Variants in ADAMTS14 observed in about 807,000 individuals in gnomAD.
ADAMTS14 encodes the protein ADAM metallopeptidase with thrombospondin type 1 motif 14.
Under a neutral mutation model 128.6 loss-of-function variants are expected in ADAMTS14, and 100 were observed. The ratio of observed to expected loss-of-function variants is 0.78; its 90% CI spans 0.66 to 0.92. The LOEUF (loss-of-function observed/expected upper bound fraction) is 0.92. Ranked by LOEUF, ADAMTS14 falls within the 40% of genes least tolerant of loss-of-function variation. The pLI is 0.00. For synonymous variants in ADAMTS14, 665 were observed against 653.8 expected (o/e 1.02, Z -0.26); for missense variants, 1,562 against 1,658.6 (o/e 0.94, Z 1.01).
chr10:70,756,739 T>A (rs910247944), intron 19 of ADAMTS14, among the ~76,000 whole-genome samples: 1 of 152,204 alleles, frequency 6.6e-6, no homozygotes, highest in Non-Finnish European at 1.5e-5. Context: ...CAGCAGCTGC[T>A]AGGTAAAACT....
At chr10:70,754,441 G>A (rs1842431967) in intron 19 of ADAMTS14, among the ~76,000 whole-genome samples, 1 of 152,200 alleles carries the variant, frequency 6.6e-6, no homozygotes, top group South Asian at 2.1e-4. Context: ...GCCAAGCACT[G>A]ACAGACTGCA....
chr10:70,751,915 CA>C (rs1261686783), intron 17 of ADAMTS14, among the ~76,000 whole-genome samples, 179 bp from the exon 18 acceptor site: 1 of 152,210 alleles, frequency 6.6e-6, no homozygotes, highest in East Asian at 1.9e-4. Flanking sequence ...ACCTTCTTAC[CA>C]GCGAGATGGA....
chr10:70,707,151 T>G (rs1339841603), intron 3 of ADAMTS14, among the ~76,000 whole-genome samples: 1 of 152,188 alleles, frequency 6.6e-6, no homozygotes, highest in Non-Finnish European at 1.5e-5. Context: ...ATTCCTGTAT[T>G]GTTACAATCC....
At chr10:70,705,551 T>C (rs1334018261) in intron 3 of ADAMTS14, among the ~76,000 whole-genome samples, 3 of 152,246 alleles carry the variant, frequency 2.0e-5, no homozygotes, top group Non-Finnish European at 2.9e-5. Flanking sequence ...ATCACCTCCA[T>C]CTAATTCCAG....
intron 3 of ADAMTS14, 61 bp from the exon 4 acceptor site, chr10:70,708,527 A>G (rs907517186): frequency 6.8e-6 from 10 of 1,468,838 alleles, no homozygotes; most frequent in South Asian, 3.8e-5. Flanking sequence ...GTGGTGGGCA[A>G]TGTCACAGTG....
chr10:70,695,527 G>C (rs1246058454), intron 2 of ADAMTS14, among the ~76,000 whole-genome samples: 1 of 152,180 alleles, frequency 6.6e-6, no homozygotes, highest in African/African-American at 2.4e-5. Context: ...GTTATGTAGG[G>C]TGTTGCTTTC....
chr10:70,733,743 G>A (rs1841724769), intron 7 of ADAMTS14, 142 bp from the exon 8 acceptor site: 3 of 1,065,022 alleles, frequency 2.8e-6, no homozygotes, highest in Admixed American at 2.8e-5. Flanking sequence ...TCCCCACTAC[G>A]TGGTTGGAAA....
intron 4 of ADAMTS14, among the ~76,000 whole-genome samples, chr10:70,722,611 G>A (rs1589299167): frequency 1.3e-5 from 2 of 152,254 alleles, no homozygotes; most frequent in East Asian, 3.9e-4. Context: ...GATGACCCCG[G>A]AGCATCTCCT....
chr10:70,743,600 G>A lies in ADAMTS14; in HGVS notation c.1977G>A (p.Val659=). The A allele has an allele frequency of 6.2e-7, 1 of 1,613,090 alleles. No individual in the cohort carries two copies. The highest frequency in any genetic ancestry group is 8.5e-7 in the Non-Finnish European group (1 of 1,179,790). The change falls in exon 13 of 22, where the codon GTG becomes GTA. Residue 659 remains valine, a synonymous_variant. Coordinates refer to ENST00000373207, the MANE Select transcript of ADAMTS14 (RefSeq NM_080722.4). ...AGTCGGCGGACACGGGGGACGTGGT[G>A]TTCATGAACCAGGTGGTTCACGATG... ...ICQSADTGDV[V]FMNQVVHDGT...
At chr10:70,678,916 A>C (rs972791803) in intron 2 of ADAMTS14, among the ~76,000 whole-genome samples, 1 of 151,908 alleles carries the variant, frequency 6.6e-6, no homozygotes, top group Non-Finnish European at 1.5e-5. Context: ...TGGTTAATTC[A>C]TGCCTAACAC....
intron 4 of ADAMTS14, among the ~76,000 whole-genome samples, chr10:70,715,798 A>C (rs1191557414): frequency 6.6e-6 from 1 of 152,200 alleles, no homozygotes; most frequent in African/African-American, 2.4e-5. Context: ...AGAAGGGGGT[A>C]GGAAGCCCTC....
chr10:70,701,709 A>C (rs1379392554), intron 2 of ADAMTS14, among the ~76,000 whole-genome samples: 1 of 152,150 alleles, frequency 6.6e-6, no homozygotes, highest in East Asian at 1.9e-4. Context: ...TAGATTAAAA[A>C]CATGCATTCC....
chr10:70,703,434 A>C (rs1840556336), intron 3 of ADAMTS14, among the ~76,000 whole-genome samples: 1 of 152,204 alleles, frequency 6.6e-6, no homozygotes, highest in South Asian at 2.1e-4. Context: ...GTCCTCACAG[A>C]CAGTGCATCC....
chr10:70,734,857 A>G (rs1197590255), intron 8 of ADAMTS14, among the ~76,000 whole-genome samples: 1 of 152,206 alleles, frequency 6.6e-6, no homozygotes, highest in Non-Finnish European at 1.5e-5. Flanking sequence ...AGTCTTGGCC[A>G]TATCGTGTCC....
Position 70,760,708 on chromosome 10 carries a change from C to G in ADAMTS14, c.3527C>G (p.Ser1176Cys), listed in dbSNP as rs749121878. The G allele has an allele frequency of 6.2e-6, 10 of 1,614,122 alleles. No homozygotes were observed. The highest frequency in any genetic ancestry group is 7.6e-6 in the Non-Finnish European group (9 of 1,180,004). Residue 1176 changes from serine to cysteine, a missense_variant, in exon 22 of 22, where the codon TCC (serine) becomes TGC (cysteine). Transcript: ENST00000373207. ...FAPETPIPGA[S>C]WSISPTTPGG... ...CCTGAGACACCAATCCCTGGAGCATCCTGGAGCATCTCCCCTACCACCCCC... is the reference window on the plus strand; with the variant it reads ...CCTGAGACACCAATCCCTGGAGCATGCTGGAGCATCTCCCCTACCACCCCC...
intron 21 of ADAMTS14, among the ~76,000 whole-genome samples, chr10:70,758,888 A>G (rs1041739583): frequency 3.3e-5 from 5 of 152,162 alleles, no homozygotes; most frequent in Admixed American, 2.0e-4. Context: ...TTACTGAGCA[A>G]CTGCTACGTG....
chr10:70,700,443 G>T (rs1422997842), intron 2 of ADAMTS14, among the ~76,000 whole-genome samples: 1 of 152,190 alleles, frequency 6.6e-6, no homozygotes, highest in South Asian at 2.1e-4. Flanking sequence ...GCCTGGATGG[G>T]ACTGTGAAGG....
At chr10:70,717,261 G>C (rs760120691) in intron 4 of ADAMTS14, among the ~76,000 whole-genome samples, 2 of 152,180 alleles carry the variant, frequency 1.3e-5, no homozygotes, top group African/African-American at 2.4e-5. Flanking sequence ...AGCTTAGAGG[G>C]GGTGCTGTCC....
At chr10:70,752,375 A>T in intron 18 of ADAMTS14, 148 bp downstream of exon 18, 1 of 1,224,386 alleles carries the variant, frequency 8.2e-7, no homozygotes, top group Non-Finnish European at 1.1e-6. Flanking sequence ...TCTGGGCTCC[A>T]GGCCCAGGCC....
Sources: allele counts gnomAD v4.1 joint callset (sites outside exome capture counted in the v4.1 genomes callset), GRCh38; gene constraint gnomAD v4.1.1; transcripts MANE v1.5; gene names NCBI Gene and HGNC (gene_info 2026-07-23, HGNC 2026-07-21).